SERPINH1: variants seen among roughly 807,000 people sequenced by gnomAD.
The protein encoded by SERPINH1 is serpin H1.
In SERPINH1, 22 loss-of-function variants were observed where a neutral mutation model predicts 32.3. The ratio of observed to expected loss-of-function variants is 0.68; its 90% confidence interval spans 0.49 to 0.97. The LOEUF is 0.97. SERPINH1 is among the 50% of genes least tolerant of loss of function. The probability of loss-of-function intolerance (pLI) is 0.00; values close to 1 mark genes in which losing one functional copy is unlikely to be tolerated. For missense variants in SERPINH1, 543 were observed against 576.4 expected (o/e 0.94, Z 0.59); for synonymous variants, 251 against 245.9 (o/e 1.02, Z -0.19).
chr11:75,567,053 A>T, intron 2 of SERPINH1, 82 bp downstream of exon 2: 2 of 1,429,360 alleles, frequency 1.4e-6, no homozygotes, highest in Non-Finnish European at 1.9e-6. Context: ...CGTGCGCTCC[A>T]TTCTTCACTG....
At position 75,572,485 on chromosome 11, in the gene SERPINH1, G is replaced by A. The variant is rs1009392489; in HGVS notation, c.*402G>A. 1 of 318,920 alleles carries A rather than the reference G, an allele frequency of 3.1e-6. No individual in the cohort carries two copies. Among genetic ancestry groups the A allele is most frequent in the Non-Finnish European group, 6.1e-6 (1 of 163,708 alleles). The allele number at this position is 318,920 out of a possible 1,614,324, so 19.8% of individuals were successfully genotyped here. ...CTAAAACACCTCAGCTGCCTCCCCA[G>A]CTCTATCCCAACCTCTCCCAACTAT... On this transcript the variant is annotated 3_prime_UTR_variant, in exon 5 of 5. Coordinates refer to ENST00000358171, the MANE Select transcript of SERPINH1 (RefSeq NM_001235.5).
intron 1 of SERPINH1, among the ~76,000 whole-genome samples, chr11:75,564,039 C>T (rs2135548918): frequency 6.6e-6 from 1 of 152,340 alleles, no homozygotes; most frequent in East Asian, 1.9e-4. Flanking sequence ...TGGGGCTGCC[C>T]TTCTCCCCAG....
chr11:75,569,897 C>T (rs1347973810), intron 4 of SERPINH1, among the ~76,000 whole-genome samples: 4 of 152,044 alleles, frequency 2.6e-5, no homozygotes, highest in Admixed American at 2.6e-4. Context: ...ACTGCACTGC[C>T]TCTGAGGTCT....
intron 1 of SERPINH1, chr11:75,563,000 G>GA (rs1319914389): frequency 8.2e-4 from 125 of 152,304 alleles, no homozygotes; most frequent in African/African-American, 2.9e-3. Context: ...CTACCACTCC[G>GA]AAAAAAGAGA....
intron 1 of SERPINH1, chr11:75,563,477 T>C (rs1340976993): frequency 6.6e-6 from 1 of 152,276 alleles, no homozygotes; most frequent in Non-Finnish European, 1.5e-5. Context: ...GGACACCGCA[T>C]GCAGCCCTCA....
intron 1 of SERPINH1, among the ~76,000 whole-genome samples, chr11:75,565,251 A>G (rs1228104205): frequency 2.6e-5 from 4 of 152,212 alleles, no homozygotes; most frequent in Non-Finnish European, 5.9e-5. Context: ...CCTGTGTGGC[A>G]GTGGCTGTCA....
chr11:75,566,871 C>A lies in SERPINH1; in HGVS notation c.522C>A (p.Asn174Lys), dbSNP rs1018770051. Reference protein sequence around the residue: ...RDKRSALQSINEWAAQTTDGK... With the variant: ...RDKRSALQSIKEWAAQTTDGK... The stretch of plus-strand genomic sequence containing the variant: ...AGCGCAGCGCGCTGCAGTCCATCAA[C>A]GAGTGGGCCGCGCAGACCACCGACG... The change falls in exon 2 of 5, where the codon AAC becomes AAA. Residue 174 changes from asparagine (N) to lysine (K), a missense_variant. By Grantham distance (94) the Asn-to-Lys change is moderately conservative. This residue lies in a region of SERPINH1 where 427 missense variants were observed against 446.4 expected (regional missense o/e 0.96). Transcript: ENST00000358171. The A allele has an allele frequency of 7.5e-6, 12 of 1,610,666 alleles. No individual in the cohort carries two copies. The highest frequency in any genetic ancestry group is 8.5e-6 in the Non-Finnish European group (10 of 1,179,964).
intron 4 of SERPINH1, among the ~76,000 whole-genome samples, 159 bp from the exon 5 acceptor site, chr11:75,571,622 T>A (rs1364896024): frequency 1.3e-5 from 2 of 152,164 alleles, no homozygotes; most frequent in Non-Finnish European, 2.9e-5. Context: ...GAGAAAGCTG[T>A]GATTTGAAGT....
Position 75,568,953 on chromosome 11 carries a change from T to A in SERPINH1, c.736T>A (p.Tyr246Asn). The change falls in exon 4 of 5, where the codon TAC becomes AAC. Residue 246 changes from tyrosine to asparagine, a missense_variant. Physicochemically the swap from Tyr to Asn is moderately radical, Grantham distance 143 (BLOSUM62 -2). This residue lies in a region of SERPINH1 where 427 missense variants were observed against 446.4 expected (regional missense o/e 0.96). Coordinates refer to ENST00000358171, the MANE Select transcript of SERPINH1 (RefSeq NM_001235.5). Reference sequence around the variant, plus strand: ...TCCTCTCCCAGGCCTCTACAACTACTACGACGACGAGAAGGAAAAGCTGCA... The same window carrying A: ...TCCTCTCCCAGGCCTCTACAACTACAACGACGACGAGAAGGAAAAGCTGCA... ...MMHRTGLYNY[Y>N]DDEKEKLQIV... The A allele has an allele frequency of 6.2e-7, 1 of 1,613,926 alleles. No homozygotes were observed. Among genetic ancestry groups the A allele is most frequent in the Non-Finnish European group, 8.5e-7 (1 of 1,180,008 alleles).
Position 75,566,764 on chromosome 11 carries a change from T to C in SERPINH1, c.415T>C (p.Ser139Pro). Residue 139 changes from serine (S) to proline (P), a missense_variant, in exon 2 of 5, where the codon TCA becomes CCA. By Grantham distance (74) the Ser-to-Pro change is moderately conservative. Coordinates refer to ENST00000358171, the MANE Select transcript of SERPINH1 (RefSeq NM_001235.5). Reference sequence around the variant, plus strand: ...GGGCAGCCGACTGTACGGACCCAGCTCAGTGAGCTTCGCTGATGACTTCGT... The same window carrying C: ...GGGCAGCCGACTGTACGGACCCAGCCCAGTGAGCTTCGCTGATGACTTCGT... ...KLGSRLYGPS[S>P]VSFADDFVRS... The C allele has an allele frequency of 1.2e-6, 2 of 1,613,212 alleles. No individual in the cohort carries two copies.
intron 4 of SERPINH1, 108 bp from the exon 5 acceptor site, chr11:75,571,673 G>T (rs1942196169): frequency 1.0e-6 from 1 of 971,442 alleles, no homozygotes. Flanking sequence ...ACCAGGGGGT[G>T]GTTCTCTCCT....
Position 75,572,179 on chromosome 11 carries a change from T to C in SERPINH1, c.*96T>C. The C allele has an allele frequency of 1.7e-6, 2 of 1,190,704 alleles. No individual in the cohort carries two copies. The highest frequency in any genetic ancestry group is 2.6e-5 in the South Asian group (2 of 77,790). The allele number at this position is 1,190,704 out of a possible 1,614,324, so 73.8% of individuals were successfully genotyped here. A position where few individuals can be genotyped will look rare whatever the true frequency, so the allele number is the denominator to read the frequency against. ...TGGGGGGGAGGTGAGGTACCAGCCT[T>C]GGATACTCCATGGGGTGGGGGTGGA... On this transcript the variant is annotated 3_prime_UTR_variant, in exon 5 of 5. Coordinates refer to ENST00000358171, the MANE Select transcript of SERPINH1 (RefSeq NM_001235.5).
In SERPINH1 at chr11:75,568,800, C is replaced by A; in HGVS notation, c.692C>A (p.Thr231Asn). 3 of 1,613,854 alleles carry A rather than the reference C, an allele frequency of 1.9e-6. No homozygotes were observed. Among genetic ancestry groups the A allele is most frequent in the Non-Finnish European group, 2.5e-6 (3 of 1,179,818 alleles). ...GGCTTCATGGTGACTCGGTCCTATA[C>A]CGTGGGTGTCATGATGATGCACCGG... ...NRGFMVTRSY[T>N]VGVMMMHRTG... is the part of the protein sequence containing the mutation. The change falls in exon 3 of 5, where the codon ACC becomes AAC. Residue 231 changes from threonine (T) to asparagine (N), a missense_variant. Physicochemically the swap from Thr to Asn is moderately conservative, Grantham distance 65 (BLOSUM62 0). This residue lies in a region of SERPINH1 where 427 missense variants were observed against 446.4 expected (regional missense o/e 0.96). Coordinates refer to ENST00000358171, the MANE Select transcript of SERPINH1 (RefSeq NM_001235.5).
Position 75,568,714 on chromosome 11 carries a change from T to C in SERPINH1, c.623-17T>C, listed in dbSNP as rs1942137561. On this transcript the variant is annotated splice_polypyrimidine_tract_variant and intron_variant, in intron 2 of 4. Coordinates refer to ENST00000358171, the MANE Select transcript of SERPINH1 (RefSeq NM_001235.5). ...GCGGCCATGTGTCTCTGACCCTGTG[T>C]TTTGCCCCAACTACAGCACACTGGG... 6.3e-7 allele frequency: 1 copy of C among 1,590,496 alleles called. No individual in the cohort carries two copies. The highest frequency in any genetic ancestry group is 1.1e-5 in the South Asian group (1 of 90,544).
Position 75,572,365 on chromosome 11 carries a change from A to C in SERPINH1, c.*282A>C. 1 of 520,174 alleles carries C rather than the reference A, an allele frequency of 1.9e-6. No homozygotes were observed. Among genetic ancestry groups the C allele is most frequent in the Non-Finnish European group, 3.5e-6 (1 of 285,876 alleles). The allele number at this position is 520,174 out of a possible 1,614,324, so 32.2% of individuals were successfully genotyped here. A position where few individuals can be genotyped will look rare whatever the true frequency, so the allele number is the denominator to read the frequency against. On this transcript the variant is annotated 3_prime_UTR_variant, in exon 5 of 5. Coordinates refer to ENST00000358171, the MANE Select transcript of SERPINH1 (RefSeq NM_001235.5). ...TGCCTGCCCTGAAAGTCCCAGATCA[A>C]GCCTGCCTCAATCAGTATTCATATT...
chr11:75,568,163 C>G (rs968714021), intron 2 of SERPINH1: 3 of 167,888 alleles, frequency 1.8e-5, no homozygotes, highest in African/African-American at 7.2e-5. Context: ...GTGGCGCATG[C>G]TGGTAGTCCC....
At chr11:75,564,707 T>TC (rs1942042717) in intron 1 of SERPINH1, among the ~76,000 whole-genome samples, 1 of 152,118 alleles carries the variant, frequency 6.6e-6, no homozygotes, top group African/African-American at 2.4e-5. Context: ...GACTCAGATC[T>TC]CCCCGCTCCT....
chr11:75,562,437 A>T (rs1941994378), intron 1 of SERPINH1, 118 bp downstream of exon 1: 1 of 152,202 alleles, frequency 6.6e-6, no homozygotes, highest in South Asian at 2.1e-4. Flanking sequence ...GCCGAGCCAG[A>T]GCCTACAAAT....
rs1040274009 is a variant in SERPINH1, at chr11:75,567,323, A to T, written c.622+352A>T. Among the ~76,000 whole-genome samples, 23 of 152,096 alleles carry T rather than the reference A, an allele frequency of 1.5e-4. 1 individual carries two copies. The highest frequency in any genetic ancestry group is 9.6e-4 in the East Asian group (5 of 5,196). ...GAGAAAGAACTCAAATCCTTTTTTTAAAATTATTTTTATTTTGAGATGGAG... is the reference window on the plus strand; with the variant it reads ...GAGAAAGAACTCAAATCCTTTTTTTTAAATTATTTTTATTTTGAGATGGAG... On this transcript the variant is annotated intron_variant, in intron 2 of 4. Coordinates refer to ENST00000358171, the MANE Select transcript of SERPINH1 (RefSeq NM_001235.5).
Sources: gnomAD v4.1 joint callset for allele counts (sites outside exome capture counted in the v4.1 genomes callset) on GRCh38, gnomAD v4.1.1 for gene constraint, gnomAD v4.1.1 regional missense constraint, MANE v1.5 for transcripts, NCBI Gene and HGNC (gene_info 2026-07-23, HGNC 2026-07-21) for gene names.